The following BLTP1 variants were observed in gnomAD, a reference collection of about 807,000 sequenced individuals.
The protein encoded by BLTP1 is bridge-like lipid transfer protein family member 1.
the BLTP1 span, chr4:122,339,209 C>T: frequency 1.1e-5 from 18 of 1,611,330 alleles, no homozygotes; most frequent in South Asian, 6.6e-5. Flanking sequence ...ATTTTTAGCC[C>T]TCACAGATCA....
the BLTP1 span, chr4:122,307,608 A>G: frequency 2.0e-6 from 2 of 985,200 alleles, no homozygotes; most frequent in African/African-American, 3.5e-5. Flanking sequence ...ACAGCTCTAC[A>G]GATGAAGTTA....
the BLTP1 span, among the ~76,000 whole-genome samples, chr4:122,203,538 A>G: frequency 1.3e-5 from 2 of 151,806 alleles, no homozygotes; most frequent in African/African-American, 2.4e-5. Flanking sequence ...TTTTTAATTC[A>G]TTGTACAAAT....
chr4:122,269,746 C>T, the BLTP1 span: 8 of 930,304 alleles, frequency 8.6e-6, no homozygotes, highest in South Asian at 3.0e-4. Flanking sequence ...AGGGCAGTTA[C>T]TAAACATTTA....
the BLTP1 span, chr4:122,190,590 G>A: frequency 1.6e-6 from 1 of 620,584 alleles, no homozygotes; most frequent in Non-Finnish European, 2.0e-6. Context: ...GATTAAAAGA[G>A]AACATTATTT....
chr4:122,157,892 G>C, the BLTP1 span, among the ~76,000 whole-genome samples: 1 of 152,076 alleles, frequency 6.6e-6, no homozygotes, highest in Non-Finnish European at 1.5e-5. Flanking sequence ...TATTTTCTTT[G>C]AACTTGATAT....
chr4:122,186,035 G>C, the BLTP1 span: 1 of 1,568,052 alleles, frequency 6.4e-7, no homozygotes, highest in Non-Finnish European at 8.6e-7. Context: ...GGTGTCTTTA[G>C]ATCCAAAGGC....
At chr4:122,200,956 C>CA in the BLTP1 span, 2 of 1,586,874 alleles carry the variant, frequency 1.3e-6, no homozygotes, top group Non-Finnish European at 1.7e-6. Context: ...ATGCTGTTCA[C>CA]ACAGTGTCAC....
At chr4:122,206,808 A>G in the BLTP1 span, among the ~76,000 whole-genome samples, 6 of 151,702 alleles carry the variant, frequency 4.0e-5, no homozygotes, top group South Asian at 1.2e-3. Flanking sequence ...TGTATCCACA[A>G]TGTTGGCTAT....
the BLTP1 span, among the ~76,000 whole-genome samples, chr4:122,311,914 C>CT: frequency 2.0e-5 from 3 of 152,124 alleles, no homozygotes; most frequent in Non-Finnish European, 4.4e-5. Context: ...GGGGAAGAGA[C>CT]TAGTTGATTT....
chr4:122,344,688 G>C, the BLTP1 span: 2 of 1,158,928 alleles, frequency 1.7e-6, no homozygotes, highest in East Asian at 5.2e-5. Flanking sequence ...TGATATAAAG[G>C]AGAGGAATGC....
the BLTP1 span, chr4:122,270,995 C>T: frequency 2.6e-6 from 4 of 1,548,536 alleles, no homozygotes. Flanking sequence ...AAACCGTGTC[C>T]TTTTTTTATT....
chr4:122,214,151 C>T, the BLTP1 span: 49 of 860,540 alleles, frequency 5.7e-5, 1 homozygote, highest in Admixed American at 1.2e-4. Flanking sequence ...CATCTTTTAG[C>T]CTATTGTTAT....
chr4:122,236,856 G>A, the BLTP1 span: 7 of 984,846 alleles, frequency 7.1e-6, no homozygotes, highest in African/African-American at 1.8e-5. Flanking sequence ...TAAGTTTCTT[G>A]TCCAGGGAAG....
the BLTP1 span, chr4:122,204,669 GA>G: frequency 5.8e-6 from 4 of 689,084 alleles, no homozygotes; most frequent in Non-Finnish European, 5.4e-6. Context: ...ATGAATGAGT[GA>G]AAAAGGTGAG....
the BLTP1 span, chr4:122,229,390 G>T: frequency 3.7e-6 from 2 of 543,056 alleles, no homozygotes; most frequent in Non-Finnish European, 3.1e-6. Flanking sequence ...ACTAATCCAT[G>T]TTCTCTTCCA....
chr4:122,180,510 C>G, the BLTP1 span, among the ~76,000 whole-genome samples: 1 of 152,136 alleles, frequency 6.6e-6, no homozygotes, highest in Non-Finnish European at 1.5e-5. Flanking sequence ...ATCCTCACAA[C>G]AACTCTAGTG....
the BLTP1 span, chr4:122,195,680 A>G: frequency 3.6e-6 from 3 of 822,846 alleles, no homozygotes; most frequent in African/African-American, 1.8e-5. Flanking sequence ...CTTGTAGTCA[A>G]TGATCATCTA....
At chr4:122,277,601 T>C in the BLTP1 span, 1 of 951,836 alleles carries the variant, frequency 1.1e-6, no homozygotes, top group Non-Finnish European at 1.3e-6. Flanking sequence ...ATATCTGTAC[T>C]AGTAATTAAA....
At chr4:122,174,886 C>A in the BLTP1 span, 1 of 298,386 alleles carries the variant, frequency 3.4e-6, no homozygotes, top group Non-Finnish European at 4.9e-6. Flanking sequence ...TCTTTCATTT[C>A]TAGATGAGAA....
Sources: gnomAD v4.1 joint callset for allele counts (sites outside exome capture counted in the v4.1 genomes callset) on GRCh38, gnomAD v4.1.1 for gene constraint, MANE v1.5 for transcripts, NCBI Gene and HGNC (gene_info 2026-07-23, HGNC 2026-07-21) for gene names.